Variants in TUBA3D observed in about 807,000 individuals in gnomAD.
TUBA3D encodes the protein tubulin alpha 3d.
In TUBA3D, 24 loss-of-function variants were observed where a neutral mutation model predicts 36.1. The ratio of observed to expected loss-of-function variants is 0.66; its 90% CI spans 0.48 to 0.93. The LOEUF is 0.93. Among genes scored for constraint, TUBA3D ranks in the 40% least tolerant of loss-of-function variants. The pLI, the probability that TUBA3D is intolerant of heterozygous loss-of-function variation, is 0.00. For synonymous variants in TUBA3D, 185 were observed against 247.2 expected, an observed-to-expected ratio of 0.75 and a Z score of 2.36; for missense variants, 356 against 614.5, an observed-to-expected ratio of 0.58 and a Z score of 4.45.
Position 131,478,234 on chromosome 2 carries a change from G to A in TUBA3D, c.74G>A (p.Cys25Tyr). The A allele has an allele frequency of 6.2e-7, 1 of 1,614,094 alleles. No homozygotes were observed. The highest frequency in any genetic ancestry group is 8.5e-7 in the Non-Finnish European group (1 of 1,179,934). ...GGCAATGCCTGCTGGGAACTGTACTGCCTTGAACATGGAATTCAGCCCGAT... is the reference window on the plus strand; with the variant it reads ...GGCAATGCCTGCTGGGAACTGTACTACCTTGAACATGGAATTCAGCCCGAT... ...QIGNACWELY[C>Y]LEHGIQPDGQ... The change falls in exon 2 of 5, where the codon TGC becomes TAC. Residue 25 changes from cysteine (C) to tyrosine (Y), a missense_variant. Physicochemically the swap from Cys to Tyr is radical, Grantham distance 194. This residue lies in a region of TUBA3D where 109 missense variants were observed against 153.7 expected (regional missense o/e 0.71). Transcript: ENST00000321253.
chr2:131,482,628 T>C lies in TUBA3D; in HGVS notation c.1133T>C (p.Leu378Pro). ...LAKVQRAVCM[L>P]SNTTAIAEAW... The stretch of plus-strand genomic sequence containing the variant: ...AAGGTGCAGCGGGCCGTGTGCATGC[T>C]GAGCAACACCACGGCCATTGCGGAG... Residue 378 changes from leucine to proline, a missense_variant, in exon 5 of 5, where the codon CTG (leucine) becomes CCG (proline). By Grantham distance (98) the Leu-to-Pro change is moderately conservative. Transcript: ENST00000321253. 1 of 1,614,176 alleles carries C rather than the reference T, an allele frequency of 6.2e-7. No homozygotes were observed. The highest frequency in any genetic ancestry group is 8.5e-7 in the Non-Finnish European group (1 of 1,180,034).
At chr2:131,478,599 G>A (rs1415051639) in intron 2 of TUBA3D, 8 of 828,418 alleles carry the variant, frequency 9.7e-6, no homozygotes, top group Admixed American at 8.9e-5. Context: ...ACAGGGAAAA[G>A]CTGCTTTGCC....
intron 4 of TUBA3D, among the ~76,000 whole-genome samples, chr2:131,481,367 C>T (rs1678859938): frequency 6.6e-6 from 1 of 151,936 alleles, no homozygotes; most frequent in Admixed American, 6.6e-5. Context: ...CTCCCAGGCT[C>T]CAGCGATTCT....
intron 3 of TUBA3D, among the ~76,000 whole-genome samples, chr2:131,479,796 C>G (rs187611196): frequency 6.6e-6 from 1 of 152,106 alleles, no homozygotes; most frequent in African/African-American, 2.4e-5. Context: ...GCTGAGATTG[C>G]ACTACTGCAC....
intron 1 of TUBA3D, among the ~76,000 whole-genome samples, chr2:131,477,038 T>C (rs1358989719): frequency 4.2e-5 from 6 of 141,208 alleles, no homozygotes; most frequent in Admixed American, 2.1e-4. Flanking sequence ...TTTTTCTTTC[T>C]TTTTTTTTTT....
At chr2:131,477,037 C>CTTTTTTTTTTTTTTTT (rs1229461335) in intron 1 of TUBA3D, among the ~76,000 whole-genome samples, 1 of 108,728 alleles carries the variant, frequency 9.2e-6, no homozygotes, top group African/African-American at 6.8e-5. Flanking sequence ...CTTTTTCTTT[C>CTTTTTTTTTTTTTTTT]TTTTTTTTTT....
Position 131,478,279 on chromosome 2 carries a change from A to T in TUBA3D, c.119A>T (p.Lys40Ile). The T allele has an allele frequency of 6.2e-7, 1 of 1,614,046 alleles. No homozygotes were observed. Among genetic ancestry groups the T allele is most frequent in the Non-Finnish European group, 8.5e-7 (1 of 1,179,918 alleles). Residue 40 changes from lysine to isoleucine, a missense_variant, in exon 2 of 5, where the codon AAA (lysine) becomes ATA (isoleucine). By Grantham distance (102) the Lys-to-Ile change is moderately radical. Coordinates refer to ENST00000321253, the MANE Select transcript of TUBA3D (RefSeq NM_080386.4). The part of the protein sequence containing the change: ...IQPDGQMPSD[K>I]TIGGGDDSFN... The stretch of plus-strand genomic sequence containing the variant: ...CCCGATGGCCAAATGCCAAGTGATA[A>T]AACCATTGGTGGCGGGGACGACTCC...
In TUBA3D at chr2:131,480,689, C is replaced by G. The variant is rs779113770; in HGVS notation, c.996C>G (p.Ile332Met). 2 of 1,613,598 alleles carry G rather than the reference C, an allele frequency of 1.2e-6. No individual in the cohort carries two copies. The highest frequency in any genetic ancestry group is 1.3e-5 in the African/African-American group (1 of 74,596). The change falls in exon 4 of 5, where the codon ATC becomes ATG. Residue 332 changes from isoleucine (I) to methionine (M), a missense_variant. By Grantham distance (10) the Ile-to-Met change is conservative (BLOSUM62 1). Around this residue, in one of 3 missense-constraint regions of TUBA3D, gnomAD observed 156 missense variants for 219.8 expected, o/e 0.71. Coordinates refer to ENST00000321253, the MANE Select transcript of TUBA3D (RefSeq NM_080386.4). ...DVVPKDVNAAIATIKTKRTIQ... is the reference protein window; with the variant it reads ...DVVPKDVNAAMATIKTKRTIQ... ...TCCCCAAAGACGTCAACGCGGCCAT[C>G]GCCACCATCAAGACCAAGCGCACCA...
rs1484489227 is a variant in TUBA3D, at chr2:131,482,822, G to A, written c.1327G>A (p.Glu443Lys). Residue 443 changes from glutamate (E) to lysine (K), a missense_variant, in exon 5 of 5, where the codon GAG (glutamate) becomes AAG (lysine). Glu to Lys is a moderately conservative substitution (Grantham distance 56, BLOSUM62 1). This residue lies in a region of TUBA3D where 156 missense variants were observed against 219.8 expected (regional missense o/e 0.71). Transcript: ENST00000321253. ...EEVGVDSVEA[E>K]AEEGEEY ...GGTGGGCGTGGATTCCGTGGAAGCT[G>A]AGGCTGAAGAAGGCGAAGAATACTG... The A allele has an allele frequency of 1.2e-6, 2 of 1,614,036 alleles. No individual in the cohort carries two copies. Among genetic ancestry groups the A allele is most frequent in the Non-Finnish European group, 1.7e-6 (2 of 1,179,996 alleles).
Position 131,482,725 on chromosome 2 carries a change from C to T in TUBA3D, c.1230C>T (p.Gly410=), listed in dbSNP as rs138292408. 14,673 of 1,613,932 alleles carry T rather than the reference C, an allele frequency of 9.1e-3. 987 individuals are homozygous for T. In the African/African-American group the frequency reaches 0.17, roughly 19 times the overall value. The change falls in exon 5 of 5, where the codon GGC becomes GGT. Residue 410 remains glycine (G), a synonymous_variant. Coordinates refer to ENST00000321253, the MANE Select transcript of TUBA3D (RefSeq NM_080386.4). ...AKRAFVHWYV[G]EGMEEGEFSE... ...GGGCCTTTGTGCACTGGTACGTGGG[C>T]GAAGGCATGGAAGAGGGAGAGTTCT...
chr2:131,476,853 C>T (rs1315665101), intron 1 of TUBA3D, among the ~76,000 whole-genome samples: 3 of 149,946 alleles, frequency 2.0e-5, no homozygotes, highest in Non-Finnish European at 2.9e-5. Flanking sequence ...GAGGATCAGC[C>T]GAGCCTGGAA....
In TUBA3D at chr2:131,480,148, T is replaced by C; in HGVS notation, c.455T>C (p.Leu152Pro). ...GGGTGSGFAS[L>P]LMERLSVDYG... ...GGCACTGGCTCTGGGTTCGCATCTCTGCTCATGGAGCGGCTCTCAGTGGAT... is the reference window on the plus strand; with the variant it reads ...GGCACTGGCTCTGGGTTCGCATCTCCGCTCATGGAGCGGCTCTCAGTGGAT... The change falls in exon 4 of 5, where the codon CTG (leucine) becomes CCG (proline). Residue 152 changes from leucine to proline, a missense_variant. Leu to Pro is a moderately conservative substitution (Grantham distance 98). Transcript: ENST00000321253. 3 of 1,613,946 alleles carry C rather than the reference T, an allele frequency of 1.9e-6. No homozygotes were observed. Among genetic ancestry groups the C allele is most frequent in the Non-Finnish European group, 2.5e-6 (3 of 1,180,016 alleles).
At chr2:131,477,398 G>A (rs1678709939) in intron 1 of TUBA3D, among the ~76,000 whole-genome samples, 1 of 152,200 alleles carries the variant, frequency 6.6e-6, no homozygotes, top group South Asian at 2.1e-4. Context: ...ACGTCTGGGA[G>A]CCATTACAGG....
At chr2:131,476,924 C>A (rs1317221672) in intron 1 of TUBA3D, among the ~76,000 whole-genome samples, 1 of 144,136 alleles carries the variant, frequency 6.9e-6, no homozygotes, top group Non-Finnish European at 1.5e-5. Context: ...CACAGAGACC[C>A]TGCCTCAAAG....
At position 131,476,167 on chromosome 2, in the gene TUBA3D, C is replaced by A. The variant is rs2622026; in HGVS notation, c.-33C>A. The A allele has an allele frequency of 0.097, 155,330 of 1,595,570 alleles. 13,531 individuals are homozygous for A. The highest frequency in any genetic ancestry group is 0.44 in the African/African-American group (32,580 of 73,360). On this transcript the variant is annotated 5_prime_UTR_variant, in exon 1 of 5. Coordinates refer to ENST00000321253, the MANE Select transcript of TUBA3D (RefSeq NM_080386.4). ...GCTGTGGCAGCCGGTTGAGGTCTGGCAGTAGCGTTGGGCTGAAGCAGCGGA... is the reference window on the plus strand; with the variant it reads ...GCTGTGGCAGCCGGTTGAGGTCTGGAAGTAGCGTTGGGCTGAAGCAGCGGA...
Position 131,482,901 on chromosome 2 carries a change from G to A in TUBA3D, c.*53G>A, listed in dbSNP as rs1187180915. On this transcript the variant is annotated 3_prime_UTR_variant, in exon 5 of 5. Transcript: ENST00000321253. ...CCACCCCCGGGATGGCTGCTTCCAA[G>A]TTGTTTGCAATTAAAGGTTCTGTAT... is the stretch of plus-strand genomic sequence containing the variant. 1.3e-6 allele frequency: 2 copies of A among 1,578,042 alleles called. No homozygotes were observed. Among genetic ancestry groups the A allele is most frequent in the African/African-American group, 2.7e-5 (2 of 74,022 alleles).
chr2:131,481,008 A>G (rs1344708551), intron 4 of TUBA3D, among the ~76,000 whole-genome samples: 4 of 151,792 alleles, frequency 2.6e-5, no homozygotes, highest in Non-Finnish European at 4.4e-5. Context: ...GGTTCAAACA[A>G]TTCTCTGGCC....
chr2:131,481,503 T>C (rs1441484646), intron 4 of TUBA3D, among the ~76,000 whole-genome samples: 1 of 151,078 alleles, frequency 6.6e-6, no homozygotes, highest in Non-Finnish European at 1.5e-5. Flanking sequence ...TGGCGTGATC[T>C]TGACTCACTG....
chr2:131,476,868 G>C (rs1429220552), intron 1 of TUBA3D, among the ~76,000 whole-genome samples: 2 of 149,428 alleles, frequency 1.3e-5, no homozygotes, highest in Non-Finnish European at 3.0e-5. Context: ...CTGGAACTTT[G>C]AGGCTGCAGT....
Sources: gnomAD v4.1 joint callset for allele counts (sites outside exome capture counted in the v4.1 genomes callset) on GRCh38, gnomAD v4.1.1 for gene constraint, gnomAD v4.1.1 regional missense constraint, MANE v1.5 for transcripts, NCBI Gene and HGNC (gene_info 2026-07-23, HGNC 2026-07-21) for gene names.